CPS1: variants seen among roughly 807,000 people sequenced by gnomAD.
CPS1 encodes the protein carbamoyl-phosphate synthase [ammonia], mitochondrial.
Under a neutral mutation model 174.6 loss-of-function variants are expected in CPS1, and 109 were observed. The observed-to-expected ratio is 0.62, with a 90% CI of 0.53 to 0.73. The LOEUF is 0.73. CPS1 is among the 30% of genes least tolerant of loss of function. The probability of loss-of-function intolerance (pLI) is 0.00; values close to 1 mark genes in which losing one functional copy is unlikely to be tolerated. For synonymous variants in CPS1, 637 were observed against 632.0 expected (o/e 1.01, Z -0.12); for missense variants, 1,689 against 1,821.9 (o/e 0.93, Z 1.33).
intron 1 of CPS1, among the ~76,000 whole-genome samples, chr2:210,563,335 T>G (rs1341912400): frequency 1.3e-5 from 2 of 152,190 alleles, no homozygotes; most frequent in Non-Finnish European, 2.9e-5. Flanking sequence ...TAAGGAAGGA[T>G]TCTTGCTTTA....
intron 1 of CPS1, among the ~76,000 whole-genome samples, chr2:210,501,210 C>T (rs913098728): frequency 6.6e-6 from 1 of 152,058 alleles, no homozygotes; most frequent in Non-Finnish European, 1.5e-5. Context: ...GGCCTCTGGG[C>T]CTATAATGGG....
Position 210,668,217 on chromosome 2 carries a change from C to T in CPS1, c.4034C>T (p.Ala1345Val). Reference sequence around the variant, plus strand: ...TGCTTTGGTGAAGGTATTCATACAGCCTTCCTAAAGGCAATGCTTTCCACA... The same window carrying T: ...TGCTTTGGTGAAGGTATTCATACAGTCTTCCTAAAGGCAATGCTTTCCACA... ...VACFGEGIHT[A>V]FLKAMLSTGF... is the part of the protein sequence containing the mutation. Residue 1345 changes from alanine to valine, a missense_variant, in exon 34 of 38, where the codon GCC becomes GTC. Ala to Val is a moderately conservative substitution (Grantham distance 64). Coordinates refer to ENST00000233072, the MANE Select transcript of CPS1 (RefSeq NM_001875.5). The T allele has an allele frequency of 6.2e-7, 1 of 1,613,558 alleles. No individual in the cohort carries two copies. The highest frequency in any genetic ancestry group is 8.5e-7 in the Non-Finnish European group (1 of 1,179,758).
intron 20 of CPS1, among the ~76,000 whole-genome samples, chr2:210,615,805 T>A (rs1196895761): frequency 6.6e-6 from 1 of 152,040 alleles, no homozygotes; most frequent in African/African-American, 2.4e-5. Flanking sequence ...TTGGAATATA[T>A]TAGGATTTTA....
intron 21 of CPS1, chr2:210,618,458 C>G (rs545503284): frequency 6.6e-6 from 1 of 152,186 alleles, no homozygotes; most frequent in African/African-American, 2.4e-5. Context: ...TGAAGTGGAA[C>G]TCACAGATGA....
intron 1 of CPS1, among the ~76,000 whole-genome samples, chr2:210,489,049 C>T (rs1289463173): frequency 6.6e-6 from 1 of 152,042 alleles, no homozygotes; most frequent in Admixed American, 6.6e-5. Flanking sequence ...CATTGGAGAG[C>T]TTAGCAAGAA....
At chr2:210,592,231 T>C (rs940844799) in intron 10 of CPS1, among the ~76,000 whole-genome samples, 11 of 152,076 alleles carry the variant, frequency 7.2e-5, no homozygotes, top group African/African-American at 2.7e-4. Flanking sequence ...CCCAGAGTTT[T>C]TAAATACACT....
intron 1 of CPS1, among the ~76,000 whole-genome samples, chr2:210,482,836 T>A (rs540808766): frequency 6.6e-6 from 1 of 152,310 alleles, no homozygotes; most frequent in South Asian, 2.1e-4. Context: ...AAGAAATATC[T>A]TTTCACTGCA....
intron 1 of CPS1, among the ~76,000 whole-genome samples, chr2:210,521,661 C>T (rs1695829364): frequency 6.6e-6 from 1 of 151,906 alleles, no homozygotes; most frequent in Admixed American, 6.6e-5. Flanking sequence ...TTTTTATCTC[C>T]ATAAGTTTAA....
intron 22 of CPS1, among the ~76,000 whole-genome samples, chr2:210,638,786 T>A (rs1255010209): frequency 1.3e-5 from 2 of 152,202 alleles, no homozygotes; most frequent in Non-Finnish European, 2.9e-5. Flanking sequence ...GCCAAAGAGA[T>A]CCTTACGTAT....
At chr2:210,528,302 C>T (rs1440846263) in intron 1 of CPS1, among the ~76,000 whole-genome samples, 1 of 151,800 alleles carries the variant, frequency 6.6e-6, no homozygotes, top group Non-Finnish European at 1.5e-5. Flanking sequence ...CCCAGAACTA[C>T]TTTAGATCCC....
At chr2:210,633,796 G>T (rs778012310) in intron 21 of CPS1, among the ~76,000 whole-genome samples, 1 of 152,122 alleles carries the variant, frequency 6.6e-6, no homozygotes, top group Non-Finnish European at 1.5e-5. Context: ...GACTGAAAAA[G>T]CTAAAGATAA....
intron 1 of CPS1, among the ~76,000 whole-genome samples, chr2:210,509,453 C>T (rs934741555): frequency 1.3e-5 from 2 of 152,160 alleles, no homozygotes; most frequent in Admixed American, 6.5e-5. Flanking sequence ...TGGAAGCATT[C>T]CCTTTGAAAA....
Position 210,608,505 on chromosome 2 carries a change from C to T in CPS1, c.2337C>T (p.Asp779=), listed in dbSNP as rs778869604. Residue 779 remains aspartate (D), a synonymous_variant, in exon 19 of 38, where the codon GAC becomes GAT. Coordinates refer to ENST00000233072, the MANE Select transcript of CPS1 (RefSeq NM_001875.5). ...MVTKIPRWDL[D]RFHGTSSRIG... The stretch of plus-strand genomic sequence containing the variant: ...CCAAGATTCCCCGCTGGGATCTTGA[C>T]CGTTTTCATGGAACATCTAGCCGAA... 8.7e-6 allele frequency: 14 copies of T among 1,612,210 alleles called. No individual in the cohort carries two copies. Among genetic ancestry groups the T allele is most frequent in the South Asian group, 2.2e-5 (2 of 91,056 alleles).
chr2:210,675,813 A>G lies in CPS1; in HGVS notation c.4247A>G (p.Gln1416Arg). 1 of 1,575,080 alleles carries G rather than the reference A, an allele frequency of 6.3e-7. No homozygotes were observed. Among genetic ancestry groups the G allele is most frequent in the Non-Finnish European group, 8.7e-7 (1 of 1,144,300 alleles). The change falls in exon 36 of 38, where the codon CAG (glutamine) becomes CGG (arginine). Residue 1416 changes from glutamine (Q) to arginine (R), a missense_variant. Physicochemically the swap from Gln to Arg is conservative, Grantham distance 43. Transcript: ENST00000233072. ...TPVAWPSQEG[Q>R]NPSLSSIRKL... Reference sequence around the variant, plus strand: ...GTGGCATGGCCGTCTCAAGAAGGACAGAATCCCAGCCTCTCTTCCATCAGA... The same window carrying G: ...GTGGCATGGCCGTCTCAAGAAGGACGGAATCCCAGCCTCTCTTCCATCAGA...
At chr2:210,601,903 A>G (rs1220073236) in intron 15 of CPS1, among the ~76,000 whole-genome samples, 1 of 151,910 alleles carries the variant, frequency 6.6e-6, no homozygotes, top group Non-Finnish European at 1.5e-5. Context: ...GCCATTCTCA[A>G]ATGAATGATG....
intron 1 of CPS1, among the ~76,000 whole-genome samples, chr2:210,518,432 G>T (rs1369502300): frequency 6.6e-6 from 1 of 152,126 alleles, no homozygotes; most frequent in South Asian, 2.1e-4. Flanking sequence ...GATAGATGTG[G>T]CCATTTACTG....
At chr2:210,648,614 T>C in intron 27 of CPS1, 74 bp downstream of exon 27, 1 of 1,141,246 alleles carries the variant, frequency 8.8e-7, no homozygotes, top group Non-Finnish European at 1.3e-6. Context: ...TGTATGCTAA[T>C]AGCACTAGGG....
intron 1 of CPS1, among the ~76,000 whole-genome samples, chr2:210,566,554 T>A (rs1228031235): frequency 1.3e-5 from 2 of 152,078 alleles, no homozygotes; most frequent in African/African-American, 4.8e-5. Flanking sequence ...TTAAATAGAG[T>A]TCATGCTTAA....
intron 1 of CPS1, among the ~76,000 whole-genome samples, chr2:210,559,510 G>T (rs754020637): frequency 4.9e-4 from 74 of 152,254 alleles, no homozygotes; most frequent in Non-Finnish European, 1.0e-3. Flanking sequence ...AAAGAGGAAA[G>T]AATTTCAAGG....
Sources: allele counts gnomAD v4.1 joint callset (sites outside exome capture counted in the v4.1 genomes callset), GRCh38; gene constraint gnomAD v4.1.1; transcripts MANE v1.5; gene names NCBI Gene and HGNC (gene_info 2026-07-23, HGNC 2026-07-21).